Variants in PTPRG observed in about 807,000 individuals in gnomAD.
PTPRG encodes receptor-type tyrosine-protein phosphatase gamma.
In PTPRG, 102 loss-of-function variants were observed where a neutral mutation model predicts 165.3. The observed-to-expected ratio is 0.62, with a 90% confidence interval of 0.53 to 0.73. The LOEUF is 0.73. PTPRG is among the 30% of genes least tolerant of loss of function. The pLI is 0.00. For synonymous variants in PTPRG, 675 were observed against 669.5 expected, an observed-to-expected ratio of 1.01 and a Z score of -0.13; for missense variants, 1,866 against 1,861.4, an observed-to-expected ratio of 1.00 and a Z score of -0.05.
intron 5 of PTPRG, among the ~76,000 whole-genome samples, chr3:62,098,262 A>T (rs1463780090): frequency 6.6e-6 from 1 of 152,210 alleles, no homozygotes; most frequent in Non-Finnish European, 1.5e-5. Context: ...AAAATAAAAA[A>T]AAATACAACA....
chr3:61,995,746 TCCCTCCCTCTCTC>T (rs2041026190), intron 3 of PTPRG, among the ~76,000 whole-genome samples: 1 of 137,138 alleles, frequency 7.3e-6, no homozygotes, highest in East Asian at 2.5e-4. Flanking sequence ...CTTCCTTCCT[TCCCTCCCTCTCTC>T]CCTCCCTCCT....
At chr3:61,745,074 C>T (rs1247195826) in intron 1 of PTPRG, among the ~76,000 whole-genome samples, 3 of 52,608 alleles carry the variant, frequency 5.7e-5, no homozygotes, top group East Asian at 4.2e-4. Flanking sequence ...TTTTTTGAGA[C>T]GGAGTCTTGC....
intron 2 of PTPRG, among the ~76,000 whole-genome samples, chr3:61,963,769 T>C (rs1052662427): frequency 2.6e-5 from 4 of 152,290 alleles, no homozygotes; most frequent in African/African-American, 7.2e-5. Flanking sequence ...TCATGACAAG[T>C]TGAAGCCTTG....
chr3:61,968,009 G>T (rs2040306876), intron 2 of PTPRG, among the ~76,000 whole-genome samples: 2 of 152,020 alleles, frequency 1.3e-5, no homozygotes. Flanking sequence ...GGGGAATATG[G>T]ATGTTAAAAT....
Position 62,233,199 on chromosome 3 carries a change from C to CAG in PTPRG, c.2375+1888_2375+1889insAG, listed in dbSNP as rs1700945176. The stretch of plus-strand genomic sequence containing the variant: ...GCGGCGTGAATCCTGAGCAGTACCC[C>CAG]CTCTCACAGCTACATGTGCTATGCT... On this transcript the variant is annotated intron_variant, in intron 14 of 29. Coordinates refer to ENST00000474889, the MANE Select transcript of PTPRG (RefSeq NM_002841.4). The surrounding 1 kb of genome is among the most constrained non-coding windows in gnomAD (Gnocchi z 4.7). 6.6e-6 allele frequency among the ~76,000 whole-genome samples: 1 copy of CAG among 152,180 alleles called. No homozygotes were observed. The highest frequency in any genetic ancestry group is 2.1e-4 in the South Asian group (1 of 4,822).
rs112432076 is a variant in PTPRG at position 62,222,970 on chromosome 3, A to G, written c.2288+3987A>G. ...GAAGGGCTTCAGCCCAACCTGGAAT[A>G]GGGGTTGGGGTCAGGGAAAGCTCCC... On this transcript the variant is annotated intron_variant, in intron 13 of 29. Transcript: ENST00000474889. The surrounding 1 kb of genome is among the most constrained non-coding windows in gnomAD (Gnocchi z 4.5). 1.5e-3 allele frequency among the ~76,000 whole-genome samples: 227 copies of G among 152,266 alleles called. 2 individuals carry two copies. The highest frequency in any genetic ancestry group is 5.1e-3 in the African/African-American group (214 of 41,566).
chr3:62,125,920 T>C (rs1215250988), intron 5 of PTPRG, among the ~76,000 whole-genome samples: 1 of 152,064 alleles, frequency 6.6e-6, no homozygotes, highest in Non-Finnish European at 1.5e-5. Flanking sequence ...AAACACAGTG[T>C]ATTAAAAAGA....
chr3:61,959,156 G>C (rs753814991), intron 2 of PTPRG, among the ~76,000 whole-genome samples: 13 of 152,126 alleles, frequency 8.5e-5, no homozygotes, highest in Non-Finnish European at 1.8e-4. Flanking sequence ...CAAATCTAAG[G>C]CCTCAATATG....
intron 1 of PTPRG, among the ~76,000 whole-genome samples, chr3:61,582,908 T>C (rs1225764740): frequency 2.6e-5 from 4 of 152,186 alleles, no homozygotes; most frequent in African/African-American, 7.2e-5. Flanking sequence ...GCTAATAACA[T>C]GCTGAAATAC....
chr3:62,242,805 GC>G (rs1212410600), intron 14 of PTPRG, among the ~76,000 whole-genome samples: 1 of 152,090 alleles, frequency 6.6e-6, no homozygotes, highest in Admixed American at 6.6e-5. Context: ...TGGAATACGG[GC>G]CCCAGAAAAA....
At chr3:62,048,186 AAAAAAG>A (rs1700357922) in intron 4 of PTPRG, among the ~76,000 whole-genome samples, 1 of 152,126 alleles carries the variant, frequency 6.6e-6, no homozygotes, top group Admixed American at 6.5e-5. Flanking sequence ...AGCCCACTTA[AAAAAAG>A]AAGAAAGAAA....
At chr3:61,880,332 G>A (rs113247911) in intron 2 of PTPRG, among the ~76,000 whole-genome samples, 1,756 of 152,276 alleles carry the variant, frequency 0.012, 26 homozygotes, top group African/African-American at 0.036. Flanking sequence ...CGGACCGGCC[G>A]TGCACAATGG....
Position 61,613,598 on chromosome 3 carries a change from C to T in PTPRG, c.85+51226C>T, listed in dbSNP as rs564303706. On this transcript the variant is annotated intron_variant, in intron 1 of 29. Transcript: ENST00000474889. The stretch of plus-strand genomic sequence containing the variant: ...TGAGATTCAGGGAAAACAAATTAAT[C>T]TGTGTGGGAGAGATTCTCTTTGTAT... Among the ~76,000 whole-genome samples the T allele has an allele frequency of 8.5e-5, 13 of 152,288 alleles. No individual in the cohort carries two copies. The South Asian group carries it at 1.5e-3, about 17-fold the overall frequency.
intron 17 of PTPRG, among the ~76,000 whole-genome samples, chr3:62,266,577 T>G (rs900310706): frequency 1.2e-4 from 18 of 152,004 alleles, no homozygotes; most frequent in African/African-American, 4.3e-4. Context: ...CAAAAACAGT[T>G]CACAGTTCCA....
At chr3:62,129,454 A>G (rs1703434969) in intron 5 of PTPRG, among the ~76,000 whole-genome samples, 1 of 151,902 alleles carries the variant, frequency 6.6e-6, no homozygotes, top group African/African-American at 2.4e-5. Flanking sequence ...ACGGTTCTGG[A>G]GGCTGAGAAG....
intron 2 of PTPRG, among the ~76,000 whole-genome samples, chr3:61,758,358 GTA>G (rs1559595899): frequency 6.6e-6 from 1 of 152,134 alleles, no homozygotes; most frequent in Non-Finnish European, 1.5e-5. Context: ...AACTACTTAC[GTA>G]GAATTTTGTT....
intron 16 of PTPRG, among the ~76,000 whole-genome samples, chr3:62,257,349 A>C (rs776650207): frequency 6.6e-6 from 1 of 152,230 alleles, no homozygotes; most frequent in Non-Finnish European, 1.5e-5. Context: ...AAGGACAGAA[A>C]AAGATTTTGT....
intron 4 of PTPRG, among the ~76,000 whole-genome samples, chr3:62,019,495 C>T: frequency 7.1e-6 from 1 of 140,188 alleles, no homozygotes; most frequent in East Asian, 2.1e-4. Flanking sequence ...TGTACTCCAG[C>T]CTGGGTGACA....
chr3:62,187,911 G>T (rs1699703560), intron 8 of PTPRG, among the ~76,000 whole-genome samples: 1 of 152,126 alleles, frequency 6.6e-6, no homozygotes, highest in Admixed American at 6.5e-5. Flanking sequence ...CTTCCTGGCA[G>T]GTGATCCTGT....
Sources: gnomAD v4.1 joint callset for allele counts (sites outside exome capture counted in the v4.1 genomes callset) on GRCh38, gnomAD v4.1.1 for gene constraint, Gnocchi (gnomAD v3.1) non-coding constraint, MANE v1.5 for transcripts, NCBI Gene and HGNC (gene_info 2026-07-23, HGNC 2026-07-21) for gene names.